C9orf85: variants seen among roughly 807,000 people sequenced by gnomAD.
C9orf85 encodes the protein uncharacterized protein C9orf85.
C9orf85 carries 16 observed loss-of-function variants against 14.9 expected under a neutral mutation model. That is an observed-to-expected ratio of 1.08 (90% CI 0.73 to 1.63). The LOEUF is 1.63. Among genes scored for constraint, C9orf85 ranks in the 40% most tolerant of loss-of-function variants. The pLI is 0.00. For synonymous variants in C9orf85, 45 were observed against 56.8 expected, an observed-to-expected ratio of 0.79 and a Z score of 0.93; for missense variants, 172 against 186.1, an observed-to-expected ratio of 0.92 and a Z score of 0.44.
chr9:71,945,866 CAA>C (rs34635846), intron 1 of C9orf85, among the ~76,000 whole-genome samples: 17,065 of 152,142 alleles, frequency 0.11, 1,085 homozygotes, highest in Middle Eastern at 0.15. Flanking sequence ...CAACAATAGG[CAA>C]AGACCAAGCT....
chr9:71,963,782 A>G (rs1349394020), intron 2 of C9orf85, among the ~76,000 whole-genome samples: 2 of 152,294 alleles, frequency 1.3e-5, no homozygotes, highest in South Asian at 4.1e-4. Context: ...CCTGCGGGGC[A>G]GAGCTCGGGA....
chr9:71,983,835 T>C (rs560182087), downstream of C9orf85: 2 of 152,238 alleles, frequency 1.3e-5, no homozygotes, highest in African/African-American at 4.8e-5. Context: ...TCCCCTGAGA[T>C]AGTGACTGAA....
chr9:71,926,382 G>A (rs1167748286), intron 1 of C9orf85, among the ~76,000 whole-genome samples: 1 of 152,094 alleles, frequency 6.6e-6, no homozygotes, highest in Non-Finnish European at 1.5e-5. Flanking sequence ...ATAACCAAAT[G>A]TGAATACTGG....
chr9:71,982,709 C>T (rs1460656807), exon 4 of C9orf85: 5 of 363,056 alleles, frequency 1.4e-5, no homozygotes, highest in Non-Finnish European at 1.6e-5. Context: ...GATCTTGGCT[C>T]ACCACAACCT....
chr9:71,952,550 T>C (rs539423043), intron 2 of C9orf85, among the ~76,000 whole-genome samples: 94 of 152,242 alleles, frequency 6.2e-4, no homozygotes, highest in African/African-American at 2.1e-3. Context: ...GTATTTTTAG[T>C]AGAGACGGGG....
At chr9:71,933,770 A>T (rs1188426298) in intron 1 of C9orf85, among the ~76,000 whole-genome samples, 1 of 152,190 alleles carries the variant, frequency 6.6e-6, no homozygotes, top group African/African-American at 2.4e-5. Context: ...CTCAGATAAG[A>T]GGGAACTGAG....
At chr9:71,918,495 A>AC in intron 1 of C9orf85, 1 of 1,276,870 alleles carries the variant, frequency 7.8e-7, no homozygotes, top group Non-Finnish European at 1.0e-6. Flanking sequence ...CCAGCCCCCG[A>AC]CCCCCGCATC....
At chr9:71,967,171 C>T (rs372966422) in intron 2 of C9orf85, among the ~76,000 whole-genome samples, 9 of 152,218 alleles carry the variant, frequency 5.9e-5, no homozygotes, top group East Asian at 5.8e-4. Flanking sequence ...GCTGAGGGTT[C>T]TTCTTCTAGA....
intron 1 of C9orf85, among the ~76,000 whole-genome samples, chr9:71,918,719 T>A (rs1827717538): frequency 6.6e-6 from 1 of 152,206 alleles, no homozygotes; most frequent in Non-Finnish European, 1.5e-5. Flanking sequence ...GTGCTCCTTA[T>A]GAGAATCTAA....
At chr9:71,920,649 C>T (rs554956934) in intron 1 of C9orf85, among the ~76,000 whole-genome samples, 35 of 152,172 alleles carry the variant, frequency 2.3e-4, no homozygotes, top group Non-Finnish European at 4.4e-4. Context: ...ACAGTGAATC[C>T]TGCATGTCCT....
intron 1 of C9orf85, among the ~76,000 whole-genome samples, chr9:71,914,207 T>A (rs1399632415): frequency 6.6e-6 from 1 of 152,214 alleles, no homozygotes; most frequent in Non-Finnish European, 1.5e-5. Context: ...TGATAAAAAA[T>A]GCACGGTTCT....
downstream of C9orf85, among the ~76,000 whole-genome samples, chr9:71,975,904 T>C (rs1208410258): frequency 2.0e-5 from 3 of 152,236 alleles, no homozygotes; most frequent in South Asian, 6.2e-4. Flanking sequence ...TTTTCTGGAC[T>C]ATTTAACTTT....
At chr9:71,976,429 G>A (rs1336158207), downstream of C9orf85, among the ~76,000 whole-genome samples, 1 of 152,138 alleles carries the variant, frequency 6.6e-6, no homozygotes, top group Non-Finnish European at 1.5e-5. Flanking sequence ...TTGGGAGGCC[G>A]AGGCGGGTGG....
chr9:71,985,486 C>A (rs574064687), downstream of C9orf85: 1 of 152,260 alleles, frequency 6.6e-6, no homozygotes, highest in Non-Finnish European at 1.5e-5. Flanking sequence ...CTGCCCTAGA[C>A]CTACTGAAAC....
chr9:71,938,229 G>A (rs1828239087), intron 1 of C9orf85, among the ~76,000 whole-genome samples: 1 of 152,038 alleles, frequency 6.6e-6, no homozygotes, highest in Admixed American at 6.6e-5. Flanking sequence ...GTAGTAAGTT[G>A]ATTATAGCAA....
downstream of C9orf85, chr9:71,984,760 G>C (rs1823177931): frequency 6.6e-6 from 1 of 152,230 alleles, no homozygotes; most frequent in African/African-American, 2.4e-5. Context: ...TTATTGTAAG[G>C]GGCAAGTGTG....
chr9:71,965,560 A>G (rs1192192431), intron 2 of C9orf85, among the ~76,000 whole-genome samples: 1 of 151,980 alleles, frequency 6.6e-6, no homozygotes, highest in African/African-American at 2.4e-5. Context: ...AGCTGGGACT[A>G]CTACACTCTG....
intron 1 of C9orf85, among the ~76,000 whole-genome samples, chr9:71,944,835 T>C (rs1045659332): frequency 6.6e-6 from 1 of 152,166 alleles, no homozygotes; most frequent in African/African-American, 2.4e-5. Flanking sequence ...AAGTTTAATT[T>C]GATAGTAGTG....
chr9:71,970,802 A>G (rs1014797063), intron 2 of C9orf85, among the ~76,000 whole-genome samples: 1 of 149,686 alleles, frequency 6.7e-6, no homozygotes, highest in Non-Finnish European at 1.5e-5. Context: ...GAGTATTGCT[A>G]TCTTCTCAAT....
Sources: allele counts gnomAD v4.1 joint callset (sites outside exome capture counted in the v4.1 genomes callset), GRCh38; gene constraint gnomAD v4.1.1; transcripts MANE v1.5; gene names NCBI Gene and HGNC (gene_info 2026-07-23, HGNC 2026-07-21).